The following PPIP5K2 variants were observed in gnomAD, a reference collection of about 807,000 sequenced individuals.
PPIP5K2 encodes the protein diphosphoinositol pentakisphosphate kinase 2, also known as inositol hexakisphosphate and diphosphoinositol-pentakisphosphate kinase 2.
Under a neutral mutation model 154.6 loss-of-function variants are expected in PPIP5K2, and 105 were observed. The observed-to-expected ratio is 0.68, with a 90% CI of 0.58 to 0.80. PPIP5K2 has a LOEUF of 0.80. PPIP5K2 is among the 30% of genes least tolerant of loss of function. PPIP5K2 has a pLI of 0.00. For synonymous variants in PPIP5K2, 480 were observed against 490.3 expected (o/e 0.98, Z 0.28); for missense variants, 992 against 1,504.6 (o/e 0.66, Z 5.64).
intron 21 of PPIP5K2, among the ~76,000 whole-genome samples, chr5:103,174,402 A>T (rs1798400716): frequency 6.6e-6 from 1 of 151,932 alleles, no homozygotes; most frequent in Non-Finnish European, 1.5e-5. Context: ...TTTTTATCTC[A>T]TACAGTTTAG....
intron 30 of PPIP5K2, among the ~76,000 whole-genome samples, chr5:103,201,029 C>T (rs1033227330): frequency 3.3e-5 from 5 of 152,150 alleles, no homozygotes; most frequent in African/African-American, 9.7e-5. Flanking sequence ...AGTTTTCTTA[C>T]CTTCTAGCTT....
At chr5:103,198,333 C>G (rs1476179596) in intron 30 of PPIP5K2, among the ~76,000 whole-genome samples, 1 of 151,722 alleles carries the variant, frequency 6.6e-6, no homozygotes, top group East Asian at 1.9e-4. Context: ...AAAAAAAAAC[C>G]CAAATGTTTA....
chr5:103,189,597 GTTTTGT>G (rs1395094016), intron 28 of PPIP5K2, among the ~76,000 whole-genome samples: 2 of 152,032 alleles, frequency 1.3e-5, no homozygotes, highest in African/African-American at 4.8e-5. Context: ...TTATAGTATA[GTTTTGT>G]TTTTGTTTTT....
Position 103,184,707 on chromosome 5 carries a change from A to G in PPIP5K2, c.3132A>G (p.Pro1044=), listed in dbSNP as rs2149769669. ...VSENANYLRT[P]RTLVEQKQNP... ...AAAATGCTAATTACCTGAGAACACC[A>G]AGAACTCTTGTGGAACAGAAGCAGA... The change falls in exon 26 of 31, where the codon CCA becomes CCG. Residue 1044 remains proline (P), a synonymous_variant. Transcript: ENST00000358359. The G allele has an allele frequency of 6.2e-7, 1 of 1,612,846 alleles. No homozygotes were observed. Among genetic ancestry groups the G allele is most frequent in the Non-Finnish European group, 8.5e-7 (1 of 1,179,032 alleles).
chr5:103,136,619 G>A (rs1791548301), intron 3 of PPIP5K2, 113 bp from the exon 4 acceptor site: 1 of 770,204 alleles, frequency 1.3e-6, no homozygotes, highest in African/African-American at 1.7e-5. Flanking sequence ...ATAGAAGGGT[G>A]TTATGTGTTA....
At chr5:103,175,546 G>T (rs1250394320) in intron 21 of PPIP5K2, among the ~76,000 whole-genome samples, 1 of 152,118 alleles carries the variant, frequency 6.6e-6, no homozygotes, top group Non-Finnish European at 1.5e-5. Context: ...CTGATAGAAA[G>T]CCTGTAGTTG....
At position 103,168,199 on chromosome 5, in the gene PPIP5K2, A is replaced by G. The variant is rs114871584; in HGVS notation, c.2190A>G (p.Ile730Met). Reference protein sequence around the residue: ...ISKIPDIYDCIKYDVQHNGSL... With the variant: ...ISKIPDIYDCMKYDVQHNGSL... ...AAATCCCTGACATATATGACTGTATAAAATATGATGTCCAGCATAATGGTT... is the reference window on the plus strand; with the variant it reads ...AAATCCCTGACATATATGACTGTATGAAATATGATGTCCAGCATAATGGTT... The change falls in exon 19 of 31, where the codon ATA (isoleucine) becomes ATG (methionine). Residue 730 changes from isoleucine to methionine, a missense_variant. Around this residue, in one of 9 missense-constraint regions of PPIP5K2, gnomAD observed 157 missense variants for 281.2 expected, o/e 0.56. Coordinates refer to ENST00000358359, the MANE Select transcript of PPIP5K2 (RefSeq NM_001276277.3). The G allele has an allele frequency of 1.3e-5, 21 of 1,609,118 alleles. No individual in the cohort carries two copies. The East Asian group carries it at 4.5e-4, about 34-fold the overall frequency.
chr5:103,165,262 C>T (rs1796953383), intron 17 of PPIP5K2, among the ~76,000 whole-genome samples: 1 of 151,932 alleles, frequency 6.6e-6, no homozygotes, highest in South Asian at 2.1e-4. Context: ...CTATACAGTT[C>T]ACCTTTAGAC....
At chr5:103,150,455 A>G (rs1323525858) in intron 8 of PPIP5K2, among the ~76,000 whole-genome samples, 1 of 152,130 alleles carries the variant, frequency 6.6e-6, no homozygotes, top group Non-Finnish European at 1.5e-5. Context: ...GTTCACGAAT[A>G]TGTGGTATTA....
chr5:103,202,726 C>T lies in PPIP5K2; in HGVS notation c.*1092C>T, dbSNP rs891703698. On this transcript the variant is annotated 3_prime_UTR_variant, in exon 31 of 31. Transcript: ENST00000358359. ...TTATTATCCTTGGTGCTTTCCCCCC[C>T]ACCAATGCACAAATAATTGTGAACA... 1 of 152,092 alleles carries T rather than the reference C, an allele frequency of 6.6e-6. No homozygotes were observed. The highest frequency in any genetic ancestry group is 1.5e-5 in the Non-Finnish European group (1 of 68,000). The allele number at this position is 152,092 out of a possible 1,614,324, so 9.4% of individuals were successfully genotyped here.
chr5:103,140,698 G>A (rs1286942926), intron 5 of PPIP5K2, among the ~76,000 whole-genome samples: 3 of 151,438 alleles, frequency 2.0e-5, no homozygotes, highest in Admixed American at 6.6e-5. Context: ...TTAGCCGGGC[G>A]CAGTGGCGGG....
Position 103,158,585 on chromosome 5 carries a change from T to C in PPIP5K2, c.1737+12T>C, listed in dbSNP as rs1795761304. 3 of 1,558,456 alleles carry C rather than the reference T, an allele frequency of 1.9e-6. No homozygotes were observed. The highest frequency in any genetic ancestry group is 2.6e-6 in the Non-Finnish European group (3 of 1,160,384). ...CTGCTTTTGCAAAGGTATAAATAAT[T>C]TTTTTTTAGAATTATTAGAGTTTTT... On this transcript the variant is annotated intron_variant, in intron 16 of 30. Coordinates refer to ENST00000358359, the MANE Select transcript of PPIP5K2 (RefSeq NM_001276277.3).
chr5:103,131,279 AT>A (rs1414547994), intron 2 of PPIP5K2, among the ~76,000 whole-genome samples: 2 of 152,192 alleles, frequency 1.3e-5, no homozygotes, highest in Non-Finnish European at 2.9e-5. Flanking sequence ...ATTATGTGAT[AT>A]TTACATGTAA....
chr5:103,150,254 A>C (rs1299057018), intron 8 of PPIP5K2, among the ~76,000 whole-genome samples: 1 of 152,202 alleles, frequency 6.6e-6, no homozygotes, highest in Non-Finnish European at 1.5e-5. Context: ...TAGCCTGTAA[A>C]TAAGTTTTAA....
intron 7 of PPIP5K2, 42 bp from the exon 8 acceptor site, chr5:103,149,110 A>G (rs1456669665): frequency 2.1e-6 from 3 of 1,454,868 alleles, no homozygotes; most frequent in African/African-American, 1.4e-5. Context: ...ACACACACAC[A>G]TACATATATA....
intron 30 of PPIP5K2, 62 bp from the exon 31 acceptor site, chr5:103,201,460 A>G (rs1802983413): frequency 1.0e-6 from 1 of 982,440 alleles, no homozygotes; most frequent in Non-Finnish European, 1.5e-6. Context: ...GTATTATTTG[A>G]ACTTGGATTG....
intron 2 of PPIP5K2, among the ~76,000 whole-genome samples, chr5:103,130,296 C>T (rs1790407105): frequency 6.6e-6 from 1 of 152,078 alleles, no homozygotes; most frequent in Non-Finnish European, 1.5e-5. Context: ...ATTTATTATG[C>T]TCATTTTGCT....
At chr5:103,140,012 C>G (rs1393663780) in intron 5 of PPIP5K2, among the ~76,000 whole-genome samples, 1 of 152,108 alleles carries the variant, frequency 6.6e-6, no homozygotes, top group Non-Finnish European at 1.5e-5. Context: ...AACACACTTA[C>G]AGGACTAAAG....
intron 19 of PPIP5K2, among the ~76,000 whole-genome samples, chr5:103,172,953 C>T (rs1386307322): frequency 1.3e-5 from 2 of 148,936 alleles, no homozygotes; most frequent in African/African-American, 4.9e-5. Flanking sequence ...TTGTTCAGTT[C>T]CACCACAAAA....
Sources: allele counts gnomAD v4.1 joint callset (sites outside exome capture counted in the v4.1 genomes callset), GRCh38; gene constraint gnomAD v4.1.1; regional missense constraint gnomAD v4.1.1; transcripts MANE v1.5; gene names NCBI Gene and HGNC (gene_info 2026-07-23, HGNC 2026-07-21).